The following IL6ST variants were observed in gnomAD, a reference collection of about 807,000 sequenced individuals.
IL6ST encodes interleukin 6 cytokine family signal transducer.
IL6ST carries 24 observed loss-of-function variants against 91.3 expected under a neutral mutation model. The ratio of observed to expected loss-of-function variants is 0.26; its 90% CI spans 0.19 to 0.37. The LOEUF (loss-of-function observed/expected upper bound fraction) is 0.37. Ranked by LOEUF, IL6ST falls within the 10% of genes least tolerant of loss-of-function variation. The pLI, the probability that IL6ST is intolerant of heterozygous loss-of-function variation, is 1.00. For missense variants in IL6ST, 914 were observed against 1,078.5 expected (o/e 0.85, Z 2.14); for synonymous variants, 351 against 373.6 (o/e 0.94, Z 0.70).
rs71602925 is a variant in IL6ST, at chr5:55,947,592, TAA to T, written c.1841-5_1841-4del. 0.081 allele frequency: 30,631 copies of T among 376,656 alleles called. No individual in the cohort carries two copies. Among genetic ancestry groups the T allele is most frequent in the East Asian group, 0.11 (2,544 of 22,962 alleles). The allele number at this position is 376,656 out of a possible 1,614,324, so 23.3% of individuals were successfully genotyped here. ...TATGGCTTCAATTTCTCCTTGAGCT[TAA>T]AAAAAAAAAAAAAAAAAAAAAAAGA... On this transcript the variant is annotated splice_polypyrimidine_tract_variant and splice_region_variant and intron_variant, in intron 14 of 16. Coordinates refer to ENST00000381298, the MANE Select transcript of IL6ST (RefSeq NM_002184.4).
rs371984964 is a variant in IL6ST at position 55,975,463 on chromosome 5, T to TA, written c.64+751dup. Among the ~76,000 whole-genome samples the TA allele has an allele frequency of 3.3e-3, 496 of 152,210 alleles. 4 individuals carry two copies. Among genetic ancestry groups the TA allele is most frequent in the Admixed American group, 8.4e-3 (129 of 15,288 alleles). ...ACAGCCTACAGAACTGTGAATCAAT[T>TA]AAACCTTTTCTTTATAAATTACCCA... On this transcript the variant is annotated intron_variant, in intron 3 of 16. Transcript: ENST00000381298.
At chr5:55,963,027 T>G (rs1343183396) in intron 7 of IL6ST, among the ~76,000 whole-genome samples, 1 of 151,624 alleles carries the variant, frequency 6.6e-6, no homozygotes, top group Admixed American at 6.6e-5. Context: ...GAGGATCACT[T>G]AAGCTCGAGT....
At position 55,936,335 on chromosome 5, in the gene IL6ST, A is replaced by C; in HGVS notation, c.*4747T>G. 1 of 210,990 alleles carries C rather than the reference A, an allele frequency of 4.7e-6. No individual in the cohort carries two copies. Among genetic ancestry groups the C allele is most frequent in the Non-Finnish European group, 9.4e-6 (1 of 106,612 alleles). 13.1% of individuals were successfully genotyped at this position (210,990 alleles called of 1,614,324 possible). A position where few individuals can be genotyped will look rare whatever the true frequency, so the allele number is the denominator to read the frequency against. ...CTCCATACTTGGGCTCTTGACAACCAAGTAGGTTTTTTTTTTTTTTTTTTT... is the reference window on the plus strand; with the variant it reads ...CTCCATACTTGGGCTCTTGACAACCCAGTAGGTTTTTTTTTTTTTTTTTTT... On this transcript the variant is annotated 3_prime_UTR_variant, in exon 17 of 17. Coordinates refer to ENST00000381298, the MANE Select transcript of IL6ST (RefSeq NM_002184.4).
intron 15 of IL6ST, among the ~76,000 whole-genome samples, chr5:55,945,067 G>A (rs1419181357): frequency 6.8e-6 from 1 of 146,540 alleles, no homozygotes; most frequent in Admixed American, 6.8e-5. Context: ...AAAGACTGCA[G>A]TTCTCTCCTA....
At chr5:55,944,396 C>G (rs1286522290) in intron 15 of IL6ST, among the ~76,000 whole-genome samples, 3 of 152,040 alleles carry the variant, frequency 2.0e-5, no homozygotes, top group Non-Finnish European at 4.4e-5. Context: ...TTTAAAAAAT[C>G]AATTGCATTT....
Position 55,941,965 on chromosome 5 carries a change from T to C in IL6ST, c.2020-146A>G, listed in dbSNP as rs866543194. ...CACTGTCAACTACCCAAAATGCAGA[T>C]ACTATAAAATGAGTCTAAGTAGTCT... is the stretch of plus-strand genomic sequence containing the variant. On this transcript the variant is annotated intron_variant, in intron 16 of 16. Transcript: ENST00000381298. The C allele has an allele frequency of 9.6e-5, 64 of 664,670 alleles. No homozygotes were observed. In the Middle Eastern group the frequency reaches 1.8e-3, roughly 19 times the overall value. The allele number at this position is 664,670 out of a possible 1,614,324, so 41.2% of individuals were successfully genotyped here.
intron 5 of IL6ST, among the ~76,000 whole-genome samples, chr5:55,964,842 TTATATA>T (rs1752547181): frequency 6.6e-6 from 1 of 152,100 alleles, no homozygotes; most frequent in Admixed American, 6.6e-5. Context: ...TTATTTACAA[TTATATA>T]AATTATGCCT....
intron 1 of IL6ST, among the ~76,000 whole-genome samples, chr5:55,986,637 G>GT (rs1753988717): frequency 6.6e-6 from 1 of 151,910 alleles, no homozygotes; most frequent in African/African-American, 2.4e-5. Flanking sequence ...CTTTGTTCCT[G>GT]TTTACTTTTC....
intron 2 of IL6ST, among the ~76,000 whole-genome samples, chr5:55,976,774 T>C (rs1753316194): frequency 6.6e-6 from 1 of 152,170 alleles, no homozygotes; most frequent in Admixed American, 6.5e-5. Flanking sequence ...TTGAATAGTT[T>C]ATAGAAAAGG....
Position 55,964,420 on chromosome 5 carries a change from A to C in IL6ST, c.492-108T>G, listed in dbSNP as rs893881125. On this transcript the variant is annotated intron_variant, in intron 5 of 16. Transcript: ENST00000381298. ...GATGAGACCTAGATTGTTGTAGCAA[A>C]CTTTGCAATATAACTGCTGGTCACT... The C allele has an allele frequency of 2.2e-4, 141 of 650,704 alleles. No homozygotes were observed. The African/African-American group carries it at 2.5e-3, about 11-fold the overall frequency. The allele number at this position is 650,704 out of a possible 1,614,324, so 40.3% of individuals were successfully genotyped here.
At chr5:55,965,641 A>T (rs931971107) in intron 5 of IL6ST, among the ~76,000 whole-genome samples, 2 of 152,000 alleles carry the variant, frequency 1.3e-5, no homozygotes, top group African/African-American at 4.8e-5. Context: ...ATACATGATG[A>T]CCCTGTAAAA....
intron 1 of IL6ST, among the ~76,000 whole-genome samples, chr5:55,984,078 TA>T (rs754284037): frequency 1.4e-3 from 209 of 152,212 alleles, no homozygotes; most frequent in Middle Eastern, 3.4e-3. Flanking sequence ...AAGGGCCAGA[TA>T]ATAAATATTT....
At chr5:55,967,366 A>G (rs982832757) in intron 5 of IL6ST, among the ~76,000 whole-genome samples, 3 of 150,192 alleles carry the variant, frequency 2.0e-5, no homozygotes, top group Non-Finnish European at 4.4e-5. Context: ...ATGTTAAACA[A>G]TGTACAATGT....
At chr5:55,953,846 G>A (rs2111693300) in intron 11 of IL6ST, among the ~76,000 whole-genome samples, 1 of 152,292 alleles carries the variant, frequency 6.6e-6, no homozygotes, top group East Asian at 1.9e-4. Flanking sequence ...AATTAGCTGA[G>A]TGTGGCAGCA....
At chr5:55,988,559 G>A (rs917564812) in intron 1 of IL6ST, among the ~76,000 whole-genome samples, 3 of 152,056 alleles carry the variant, frequency 2.0e-5, no homozygotes, top group African/African-American at 2.4e-5. Flanking sequence ...CTGAGGTTGG[G>A]AGTTCGAGAC....
intron 7 of IL6ST, among the ~76,000 whole-genome samples, chr5:55,962,180 G>T (rs1460645392): frequency 6.6e-6 from 1 of 152,110 alleles, no homozygotes; most frequent in Non-Finnish European, 1.5e-5. Flanking sequence ...AAGAACTTCA[G>T]GTATGTATAT....
intron 2 of IL6ST, among the ~76,000 whole-genome samples, chr5:55,981,981 A>G (rs1280232137): frequency 1.3e-5 from 2 of 152,222 alleles, no homozygotes; most frequent in Non-Finnish European, 2.9e-5. Context: ...GATGTATAAC[A>G]AGTATTGCTA....
At chr5:55,975,353 G>A (rs887808745) in intron 3 of IL6ST, among the ~76,000 whole-genome samples, 1 of 152,076 alleles carries the variant, frequency 6.6e-6, no homozygotes, top group African/African-American at 2.4e-5. Context: ...CTCGCTATGT[G>A]AGATGCCTCA....
At chr5:55,984,007 A>ATTT (rs35768498) in intron 1 of IL6ST, among the ~76,000 whole-genome samples, 1 of 146,474 alleles carries the variant, frequency 6.8e-6, no homozygotes, top group African/African-American at 2.5e-5. Context: ...CCCTTTACTG[A>ATTT]TTTTTTTTTT....
Sources: allele counts gnomAD v4.1 joint callset (sites outside exome capture counted in the v4.1 genomes callset), GRCh38; gene constraint gnomAD v4.1.1; transcripts MANE v1.5; gene names NCBI Gene and HGNC (gene_info 2026-07-23, HGNC 2026-07-21).